The following PGLYRP4 variants were observed in gnomAD, a reference collection of about 807,000 sequenced individuals.
The protein encoded by PGLYRP4 is PGRP-I-beta.
PGLYRP4 carries 39 observed loss-of-function variants against 41.2 expected under a neutral mutation model. That is an observed-to-expected ratio of 0.95 (90% CI 0.73 to 1.24). The LOEUF (loss-of-function observed/expected upper bound fraction) is 1.24. Among genes scored for constraint, PGLYRP4 ranks in the 50% most tolerant of loss-of-function variants. PGLYRP4 has a pLI of 0.00. For missense variants in PGLYRP4, 467 were observed against 460.7 expected (o/e 1.01, Z -0.13); for synonymous variants, 202 against 186.8 (o/e 1.08, Z -0.66).
At position 153,345,350 on chromosome 1, in the gene PGLYRP4, G is replaced by A. The variant is rs907883393; in HGVS notation, c.172C>T (p.Arg58Cys). 20 of 1,614,062 alleles carry A rather than the reference G, an allele frequency of 1.2e-5. No homozygotes were observed. Among genetic ancestry groups the A allele is most frequent in the East Asian group, 2.2e-5 (1 of 44,894 alleles). The change falls in exon 4 of 9, where the codon CGC becomes TGC. Residue 58 changes from arginine to cysteine, a missense_variant. Physicochemically the swap from Arg to Cys is radical, Grantham distance 180 (BLOSUM62 -3). Coordinates refer to ENST00000359650, the MANE Select transcript of PGLYRP4 (RefSeq NM_020393.4). ...ACAGCTTCTGCCCCCCATGCCTTGC[G>A]AGAGACCGTGGTGGAGACATCTGTG... ...LPTDVSTTVS[R>C]KAWGAEAVGC... is the part of the protein sequence containing the mutation.
intron 8 of PGLYRP4, among the ~76,000 whole-genome samples, 184 bp downstream of exon 8, chr1:153,336,997 G>A (rs1181662419): frequency 6.6e-6 from 1 of 152,206 alleles, no homozygotes; most frequent in Non-Finnish European, 1.5e-5. Flanking sequence ...GATATAGGGT[G>A]AGCATTATGT....
At chr1:153,345,980 C>A in intron 3 of PGLYRP4, 122 bp downstream of exon 3, 1 of 760,452 alleles carries the variant, frequency 1.3e-6, no homozygotes, top group South Asian at 1.5e-5. Flanking sequence ...CTGCTCTCTG[C>A]ACTTCAACCC....
chr1:153,343,295 G>A, intron 4 of PGLYRP4, 87 bp from the exon 5 acceptor site: 1 of 836,666 alleles, frequency 1.2e-6, no homozygotes. Context: ...TCAAAATGGA[G>A]AAGGACTGAA....
chr1:153,343,035 C>T, intron 5 of PGLYRP4, 55 bp downstream of exon 5: 1 of 1,124,006 alleles, frequency 8.9e-7, no homozygotes, highest in Non-Finnish European at 1.3e-6. Context: ...GAAGTGGCCC[C>T]TGAGACAAAG....
chr1:153,330,568 G>A lies in PGLYRP4; in HGVS notation c.*199C>T, dbSNP rs531457928. On this transcript the variant is annotated 3_prime_UTR_variant, in exon 9 of 9. Transcript: ENST00000359650. ...AATCTGGACTCAGACTCAGAGGGCT[G>A]TGAATGTCCAGCTATGAGGTTTGGA... The A allele has an allele frequency of 4.5e-6, 2 of 442,578 alleles. No individual in the cohort carries two copies. The highest frequency in any genetic ancestry group is 8.3e-6 in the Non-Finnish European group (2 of 240,358). 27.4% of individuals were successfully genotyped at this position (442,578 alleles called of 1,614,324 possible). A position where few individuals can be genotyped will look rare whatever the true frequency, so the allele number is the denominator to read the frequency against.
chr1:153,331,793 C>T (rs748658252), intron 8 of PGLYRP4: 3 of 152,088 alleles, frequency 2.0e-5, no homozygotes, highest in Non-Finnish European at 4.4e-5. Flanking sequence ...CTAGGCTGGT[C>T]CTATAAGAAA....
chr1:153,336,690 T>TA (rs1167378147), intron 8 of PGLYRP4, among the ~76,000 whole-genome samples: 1 of 152,126 alleles, frequency 6.6e-6, no homozygotes, highest in Non-Finnish European at 1.5e-5. Context: ...CTGTGTAGTA[T>TA]ATCCATGTAA....
intron 3 of PGLYRP4, 81 bp from the exon 4 acceptor site, chr1:153,345,463 C>T (rs1660970045): frequency 9.2e-6 from 12 of 1,311,272 alleles, no homozygotes; most frequent in Middle Eastern, 1.9e-4. Flanking sequence ...TGGGCTGTGT[C>T]GGCCCCTTGG....
chr1:153,330,775 T>G lies in PGLYRP4; in HGVS notation c.1114A>C (p.Lys372Gln), dbSNP rs1660303093. ...AGGACCTGGGGCTTCTCTCAGTGTT[T>G]GAAATGAGGCCAGGTGCTGATGATG... ...YNIISTWPHF[K>Q]H The change falls in exon 9 of 9, where the codon AAA (lysine) becomes CAA (glutamine). Residue 372 changes from lysine (K) to glutamine (Q), a missense_variant. Lys to Gln is a moderately conservative substitution (Grantham distance 53). Transcript: ENST00000359650. 1.2e-6 allele frequency: 2 copies of G among 1,612,770 alleles called. No homozygotes were observed. Among genetic ancestry groups the G allele is most frequent in the Non-Finnish European group, 1.7e-6 (2 of 1,179,178 alleles).
At chr1:153,337,655 C>T (rs987349466) in intron 7 of PGLYRP4, among the ~76,000 whole-genome samples, 9 of 152,208 alleles carry the variant, frequency 5.9e-5, no homozygotes, top group Non-Finnish European at 1.3e-4. Flanking sequence ...CAAGCCCATT[C>T]GGCTCCAGCA....
At chr1:153,334,452 ATATATATATATTTATTTATATATATT>A (rs1467175425) in intron 8 of PGLYRP4, among the ~76,000 whole-genome samples, 1 of 133,644 alleles carries the variant, frequency 7.5e-6, no homozygotes, top group Non-Finnish European at 1.6e-5. Context: ...GTGTGTATAA[ATATATATATATTTATTTATATATATT>A]TATATATATA....
intron 8 of PGLYRP4, 59 bp downstream of exon 8, chr1:153,337,122 G>T: frequency 8.4e-7 from 1 of 1,197,152 alleles, no homozygotes; most frequent in Non-Finnish European, 1.2e-6. Flanking sequence ...TGTCTTCCAT[G>T]TCAGATGCTC....
chr1:153,341,994 C>G (rs1224941850), intron 5 of PGLYRP4, among the ~76,000 whole-genome samples: 2 of 152,166 alleles, frequency 1.3e-5, no homozygotes, highest in African/African-American at 4.8e-5. Context: ...TCCCAAATAC[C>G]TGCCAAACTT....
chr1:153,346,228 C>A (rs1216182061), intron 2 of PGLYRP4, 37 bp from the exon 3 acceptor site: 3 of 1,471,680 alleles, frequency 2.0e-6, no homozygotes, highest in East Asian at 4.5e-5. Context: ...CAGAGAGCAC[C>A]AATACCAGCC....
chr1:153,341,650 C>A lies in PGLYRP4; in HGVS notation c.602G>T (p.Arg201Leu), dbSNP rs148195147. The A allele has an allele frequency of 2.5e-6, 4 of 1,613,094 alleles. No homozygotes were observed. The Admixed American group carries it at 6.7e-5, about 27-fold the overall frequency. Reference protein sequence around the residue: ...LGKGENCLAPRQKTSLKKACP... With the variant: ...LGKGENCLAPLQKTSLKKACP... ...ACCCTTCTTCAGGCTTGTCTTCTGC[C>A]GAGGGGCCAGGCAGTTCTCGCCTTT... The change falls in exon 6 of 9, where the codon CGG (arginine) becomes CTG (leucine). Residue 201 changes from arginine (R) to leucine (L), a missense_variant. Transcript: ENST00000359650.
intron 1 of PGLYRP4, among the ~76,000 whole-genome samples, 169 bp from the exon 2 acceptor site, chr1:153,348,147 A>C (rs1043561714): frequency 6.6e-6 from 1 of 152,128 alleles, no homozygotes; most frequent in African/African-American, 2.4e-5. Flanking sequence ...GGTGCTCAGC[A>C]TCCCTGTCCT....
chr1:153,333,216 A>G (rs1024520709), intron 8 of PGLYRP4, among the ~76,000 whole-genome samples: 2 of 152,114 alleles, frequency 1.3e-5, no homozygotes, highest in Admixed American at 1.3e-4. Flanking sequence ...AACACCCACA[A>G]TCAGAAATAA....
intron 7 of PGLYRP4, 152 bp downstream of exon 7, chr1:153,340,229 G>T: frequency 1.5e-6 from 1 of 679,364 alleles, no homozygotes; most frequent in Non-Finnish European, 2.5e-6. Flanking sequence ...AAAGACCCAG[G>T]CAGGGTCGTG....
chr1:153,343,338 C>G (rs1194908322), intron 4 of PGLYRP4, 130 bp from the exon 5 acceptor site: 1 of 646,962 alleles, frequency 1.5e-6, no homozygotes, highest in East Asian at 2.6e-5. Flanking sequence ...TGCATGAACT[C>G]TTCCCAGACA....
Sources: allele counts gnomAD v4.1 joint callset (sites outside exome capture counted in the v4.1 genomes callset), GRCh38; gene constraint gnomAD v4.1.1; transcripts MANE v1.5; gene names NCBI Gene and HGNC (gene_info 2026-07-23, HGNC 2026-07-21).